Variants in RYK observed in about 807,000 individuals in gnomAD.
RYK encodes the protein inactive tyrosine-protein kinase RYK.
In RYK, 21 loss-of-function variants were observed where a neutral mutation model predicts 70.2. The observed-to-expected ratio is 0.30, with a 90% CI of 0.21 to 0.43. The LOEUF is 0.43. RYK is among the 20% of genes least tolerant of loss of function. The pLI is 1.00. For missense variants in RYK, 604 were observed against 753.3 expected (o/e 0.80, Z 2.32); for synonymous variants, 267 against 278.0 (o/e 0.96, Z 0.39).
At chr3:134,213,250 A>G (rs2014455660) in intron 2 of RYK, among the ~76,000 whole-genome samples, 1 of 152,240 alleles carries the variant, frequency 6.6e-6, no homozygotes, top group African/African-American at 2.4e-5. Flanking sequence ...ACCGCCAGCA[A>G]GAACTGGGTT....
intron 10 of RYK, chr3:134,178,290 A>G (rs2013176768): frequency 2.5e-6 from 1 of 402,458 alleles, no homozygotes; most frequent in Non-Finnish European, 4.3e-6. Flanking sequence ...CATTCTTGGT[A>G]GGGAAAAATC....
At chr3:134,203,690 C>T (rs1445480829) in intron 5 of RYK, among the ~76,000 whole-genome samples, 1 of 152,108 alleles carries the variant, frequency 6.6e-6, no homozygotes, top group East Asian at 1.9e-4. Flanking sequence ...ATGAGTATAA[C>T]AGTCACTCAC....
chr3:134,240,412 T>C (rs1337897180), intron 1 of RYK, among the ~76,000 whole-genome samples: 1 of 151,614 alleles, frequency 6.6e-6, no homozygotes, highest in Non-Finnish European at 1.5e-5. Flanking sequence ...CCATAATAAA[T>C]ACATTTTTAA....
chr3:134,218,899 G>A (rs915656284), intron 2 of RYK, among the ~76,000 whole-genome samples: 3 of 152,110 alleles, frequency 2.0e-5, no homozygotes, highest in East Asian at 3.9e-4. Context: ...TTATTAGAGA[G>A]AATCAACTAG....
intron 10 of RYK, 119 bp from the exon 11 acceptor site, chr3:134,178,192 C>T: frequency 2.7e-6 from 2 of 729,876 alleles, no homozygotes; most frequent in South Asian, 2.2e-5. Flanking sequence ...AACATGATTA[C>T]CATTAAAAAT....
At chr3:134,249,150 G>A (rs1179947646) in intron 1 of RYK, among the ~76,000 whole-genome samples, 2 of 152,126 alleles carry the variant, frequency 1.3e-5, no homozygotes, top group African/African-American at 2.4e-5. Context: ...TTAGTCTTGT[G>A]TTCCAAGTAC....
At chr3:134,239,986 C>T (rs751266151) in intron 1 of RYK, among the ~76,000 whole-genome samples, 7 of 152,008 alleles carry the variant, frequency 4.6e-5, no homozygotes, top group Non-Finnish European at 8.8e-5. Flanking sequence ...GAGTCTGGCA[C>T]CAAGGGAACT....
chr3:134,192,069 C>T (rs1006744267), intron 7 of RYK, 95 bp from the exon 8 acceptor site: 3 of 1,195,800 alleles, frequency 2.5e-6, no homozygotes, highest in Non-Finnish European at 3.6e-6. Context: ...ACTCAGGTCA[C>T]AGGAATGAGT....
Position 134,203,686 on chromosome 3 carries a change from A to G in RYK, c.644-812T>C, listed in dbSNP as rs115342322. ...TAAATAGAATTTTTGGCTAATGAGT[A>G]TAACAGTCACTCACAAGTGGTATAC... On this transcript the variant is annotated intron_variant, in intron 5 of 14. Coordinates refer to ENST00000623711, the MANE Select transcript of RYK (RefSeq NM_002958.4). 6.1e-3 allele frequency among the ~76,000 whole-genome samples: 924 copies of G among 152,342 alleles called. 8 individuals are homozygous for G. The highest frequency in any genetic ancestry group is 0.019 in the African/African-American group (790 of 41,572).
intron 1 of RYK, among the ~76,000 whole-genome samples, chr3:134,227,512 T>C (rs2014944703): frequency 1.3e-5 from 2 of 151,482 alleles, no homozygotes; most frequent in Admixed American, 6.6e-5. Context: ...CAACAAGCGA[T>C]GTAAAGCAAC....
chr3:134,192,808 T>C (rs376256604), intron 7 of RYK, among the ~76,000 whole-genome samples: 14 of 152,292 alleles, frequency 9.2e-5, no homozygotes, highest in African/African-American at 3.1e-4. Context: ...TGGGCAACTT[T>C]ACAATGCATG....
At chr3:134,241,662 T>C (rs1290530588) in intron 1 of RYK, among the ~76,000 whole-genome samples, 2 of 152,216 alleles carry the variant, frequency 1.3e-5, no homozygotes, top group African/African-American at 4.8e-5. Flanking sequence ...CTGTAGTTTG[T>C]TAAAGCTTCT....
intron 13 of RYK, chr3:134,170,497 G>A (rs1472974841): frequency 6.5e-6 from 1 of 153,036 alleles, no homozygotes. Flanking sequence ...GTGGCTAAAA[G>A]CTACTCCACA....
At chr3:134,235,920 G>C (rs1191858408) in intron 1 of RYK, among the ~76,000 whole-genome samples, 1 of 152,074 alleles carries the variant, frequency 6.6e-6, no homozygotes, top group African/African-American at 2.4e-5. Flanking sequence ...GAGTGACTGA[G>C]AAGGAAGGTA....
chr3:134,250,090 C>A (rs191407140), intron 1 of RYK, among the ~76,000 whole-genome samples: 13 of 152,048 alleles, frequency 8.5e-5, no homozygotes, highest in African/African-American at 2.9e-4. Context: ...AAAAAAACTT[C>A]GTGCAGCAAG....
At chr3:134,200,447 A>T (rs1288842114) in intron 6 of RYK, among the ~76,000 whole-genome samples, 1 of 152,158 alleles carries the variant, frequency 6.6e-6, no homozygotes, top group Non-Finnish European at 1.5e-5. Context: ...CTGAAGGAAC[A>T]AACTCCAGAC....
intron 1 of RYK, among the ~76,000 whole-genome samples, chr3:134,245,715 A>C (rs1383840620): frequency 6.6e-6 from 1 of 152,180 alleles, no homozygotes; most frequent in Non-Finnish European, 1.5e-5. Flanking sequence ...TCCCTCCCTC[A>C]GCCAGGTAAC....
chr3:134,175,084 C>T (rs1417205189), intron 13 of RYK, among the ~76,000 whole-genome samples: 1 of 152,098 alleles, frequency 6.6e-6, no homozygotes, highest in Non-Finnish European at 1.5e-5. Context: ...ACCTGTAATC[C>T]CAGGACTTTG....
rs983261674 is a variant in RYK at position 134,235,141 on chromosome 3, G to A, written c.233-12602C>T. 2.0e-5 allele frequency among the ~76,000 whole-genome samples: 3 copies of A among 152,082 alleles called. No homozygotes were observed. The South Asian group carries it at 6.2e-4, about 32-fold the overall frequency. ...GCAATGGTAAGAAGGCAGGGAGTGAGGCAAAACTGAACATACACATTTTTA... is the reference window on the plus strand; with the variant it reads ...GCAATGGTAAGAAGGCAGGGAGTGAAGCAAAACTGAACATACACATTTTTA... On this transcript the variant is annotated intron_variant, in intron 1 of 14. Transcript: ENST00000623711.
Sources: gnomAD v4.1 joint callset for allele counts (sites outside exome capture counted in the v4.1 genomes callset) on GRCh38, gnomAD v4.1.1 for gene constraint, MANE v1.5 for transcripts, NCBI Gene and HGNC (gene_info 2026-07-23, HGNC 2026-07-21) for gene names.